LEMD1: variants seen among roughly 807,000 people sequenced by gnomAD.
The protein encoded by LEMD1 is LEM domain containing 1, also known as LEM domain-containing protein 1.
Under a neutral mutation model 17.4 loss-of-function variants are expected in LEMD1, and 18 were observed. The observed-to-expected ratio is 1.04, with a 90% confidence interval of 0.72 to 1.54. LEMD1 has a LOEUF of 1.54. Ranked by LOEUF, LEMD1 falls within the 40% of genes most tolerant of loss-of-function variation. The pLI is 0.00. For synonymous variants in LEMD1, 88 were observed against 77.8 expected (o/e 1.13, Z -0.69); for missense variants, 195 against 210.4 (o/e 0.93, Z 0.45).
Position 205,441,124 on chromosome 1 carries a change from T to G in LEMD1, c.-39+8744A>C, listed in dbSNP as rs931313330. The G allele has an allele frequency of 6.6e-6, 1 of 152,472 alleles. No individual in the cohort carries two copies. The highest frequency in any genetic ancestry group is 1.5e-5 in the Non-Finnish European group (1 of 68,230). 9.4% of individuals were successfully genotyped at this position (152,472 alleles called of 1,614,324 possible). A position where few individuals can be genotyped will look rare whatever the true frequency, so the allele number is the denominator to read the frequency against. On this transcript the variant is annotated intron_variant, in intron 1 of 3. Transcript: ENST00000367154. The surrounding 1 kb of genome is among the most constrained non-coding windows in gnomAD (Gnocchi z 4.3). ...GAAAGGCAGGAAGAGAGAAGCAAGCTGGGGTTAATGCTCCCAGAACCCTCT... is the reference window on the plus strand; with the variant it reads ...GAAAGGCAGGAAGAGAGAAGCAAGCGGGGGTTAATGCTCCCAGAACCCTCT...
At chr1:205,403,063 G>A (rs1664924146) in intron 4 of LEMD1, among the ~76,000 whole-genome samples, 1 of 151,852 alleles carries the variant, frequency 6.6e-6, no homozygotes, top group African/African-American at 2.4e-5. Flanking sequence ...ACTTGATCAT[G>A]GTGGATAAGC....
chr1:205,384,154 A>T (rs1210463410), intron 5 of LEMD1, 134 bp downstream of exon 5: 1 of 494,270 alleles, frequency 2.0e-6, no homozygotes, highest in Non-Finnish European at 3.4e-6. Flanking sequence ...ATTGTTGGAT[A>T]TTACAAATCT....
At chr1:205,382,135 C>T (rs1011370325) in intron 5 of LEMD1, 20 of 403,494 alleles carry the variant, frequency 5.0e-5, no homozygotes, top group South Asian at 1.2e-4. Flanking sequence ...TCGAGTAGCT[C>T]GGACCACAGG....
At chr1:205,409,621 G>A (rs1008624427) in intron 4 of LEMD1, among the ~76,000 whole-genome samples, 14 of 149,630 alleles carry the variant, frequency 9.4e-5, no homozygotes, top group Non-Finnish European at 8.9e-5. Context: ...TTTTTTTTAA[G>A]AGAAGGCCTC....
intron 4 of LEMD1, among the ~76,000 whole-genome samples, chr1:205,411,086 AAAG>A (rs375395207): frequency 0.13 from 2,595 of 19,816 alleles, 105 homozygotes; most frequent in African/African-American, 0.24. Context: ...AATGAAGGAA[AAAG>A]AAGAAAGAAA....
At chr1:205,403,588 CTCTT>C (rs1335240018) in intron 4 of LEMD1, among the ~76,000 whole-genome samples, 1 of 151,678 alleles carries the variant, frequency 6.6e-6, no homozygotes, top group Non-Finnish European at 1.5e-5. Flanking sequence ...TGATTCTTCT[CTCTT>C]TTTTTCTTTA....
intron 1 of LEMD1, among the ~76,000 whole-genome samples, chr1:205,427,509 C>CAG (rs1558739470): frequency 3.1e-5 from 3 of 97,814 alleles, no homozygotes; most frequent in African/African-American, 1.0e-4. Context: ...GAGAGAGAGA[C>CAG]AGAGAGAGAG....
At chr1:205,412,216 C>A (rs1478254627) in intron 4 of LEMD1, among the ~76,000 whole-genome samples, 1 of 152,058 alleles carries the variant, frequency 6.6e-6, no homozygotes, top group Non-Finnish European at 1.5e-5. Context: ...CCCATTTTCC[C>A]GTTTGGTAGA....
At chr1:205,412,330 TA>T (rs972137247) in intron 4 of LEMD1, among the ~76,000 whole-genome samples, 26 of 147,714 alleles carry the variant, frequency 1.8e-4, no homozygotes, top group South Asian at 1.7e-3. Flanking sequence ...AATCCCCAAT[TA>T]AAAAAAAAAA....
chr1:205,404,882 T>C (rs1665017214), intron 4 of LEMD1, among the ~76,000 whole-genome samples: 1 of 152,188 alleles, frequency 6.6e-6, no homozygotes, highest in East Asian at 1.9e-4. Context: ...CAGGAGCTCT[T>C]TTAGGGCAGG....
intron 4 of LEMD1, among the ~76,000 whole-genome samples, chr1:205,408,502 C>CTTTTT (rs573634699): frequency 5.8e-5 from 8 of 136,868 alleles, no homozygotes; most frequent in East Asian, 4.2e-4. Context: ...TTCTTTCTTT[C>CTTTTT]TTTTTTTTTT....
intron 5 of LEMD1, 70 bp from the exon 6 acceptor site, chr1:205,381,926 G>A: frequency 6.7e-7 from 1 of 1,502,620 alleles, no homozygotes; most frequent in Non-Finnish European, 9.3e-7. Flanking sequence ...CTTAAAGTGT[G>A]TGGGTCTTGA....
At chr1:205,398,592 T>C (rs1305854452) in intron 4 of LEMD1, among the ~76,000 whole-genome samples, 3 of 152,174 alleles carry the variant, frequency 2.0e-5, no homozygotes, top group Non-Finnish European at 4.4e-5. Flanking sequence ...GTCAGTATGC[T>C]CTACACACTA....
intron 1 of LEMD1, among the ~76,000 whole-genome samples, chr1:205,440,139 C>T (rs532528560): frequency 1.3e-5 from 2 of 152,276 alleles, no homozygotes; most frequent in East Asian, 1.9e-4. Flanking sequence ...GGAAAGGGGT[C>T]CCTCAGTCTG....
chr1:205,390,480 C>T (rs1377946285), intron 4 of LEMD1, among the ~76,000 whole-genome samples: 1 of 152,074 alleles, frequency 6.6e-6, no homozygotes, highest in Non-Finnish European at 1.5e-5. Context: ...GAAGTATTTC[C>T]TTTAAAATCA....
At position 205,441,479 on chromosome 1, in the gene LEMD1, C is replaced by A. The variant is rs566165309; in HGVS notation, c.-39+8389G>T. On this transcript the variant is annotated intron_variant, in intron 1 of 3. Transcript: ENST00000367154. This position sits in a 1 kb window ranked among gnomAD's most constrained non-coding sequence, Gnocchi z 4.3. ...CAGGTTCTAGCTGGGGGCTTCCACT[C>A]GCTTCTGCAGGTTGCACACACGACA... 6.6e-6 allele frequency among the ~76,000 whole-genome samples: 1 copy of A among 152,198 alleles called. No homozygotes were observed. Among genetic ancestry groups the A allele is most frequent in the South Asian group, 2.1e-4 (1 of 4,834 alleles).
At chr1:205,385,881 C>T (rs1467240706) in intron 4 of LEMD1, 1 of 152,378 alleles carries the variant, frequency 6.6e-6, no homozygotes, top group East Asian at 1.9e-4. Context: ...TGGAGAATTC[C>T]CAGGAGTGGT....
intron 4 of LEMD1, chr1:205,385,997 G>C (rs2102337866): frequency 1.3e-5 from 2 of 152,708 alleles, no homozygotes; most frequent in South Asian, 4.1e-4. Context: ...GCAATCCCAA[G>C]GTAGACTGGA....
At chr1:205,385,634 G>C (rs1663966980) in intron 4 of LEMD1, 1 of 152,262 alleles carries the variant, frequency 6.6e-6, no homozygotes, top group Non-Finnish European at 1.5e-5. Flanking sequence ...ATCAAGCATG[G>C]TTATTTTGTA....
Sources: allele counts gnomAD v4.1 joint callset (sites outside exome capture counted in the v4.1 genomes callset), GRCh38; gene constraint gnomAD v4.1.1; non-coding constraint Gnocchi (gnomAD v3.1); transcripts MANE v1.5; gene names NCBI Gene and HGNC (gene_info 2026-07-23, HGNC 2026-07-21).